Variants in CNTN4 observed in about 807,000 individuals in gnomAD.
The protein encoded by CNTN4 is contactin-4.
In CNTN4, 77 loss-of-function variants were observed where a neutral mutation model predicts 122.5. That is an observed-to-expected ratio of 0.63 (90% CI 0.52 to 0.76). The LOEUF is 0.76. Ranked by LOEUF, CNTN4 falls within the 30% of genes least tolerant of loss-of-function variation. The pLI is 0.00. For missense variants in CNTN4, 1,256 were observed against 1,259.1 expected (o/e 1.00, Z 0.04); for synonymous variants, 512 against 447.0 (o/e 1.15, Z -1.83).
At chr3:2,596,993 G>C (rs2080800963) in intron 4 of CNTN4, among the ~76,000 whole-genome samples, 1 of 151,718 alleles carries the variant, frequency 6.6e-6, no homozygotes, top group African/African-American at 2.4e-5. Context: ...TCTGGCTTCT[G>C]CACATAGCCC....
At chr3:2,652,087 G>A (rs1380264571) in intron 4 of CNTN4, among the ~76,000 whole-genome samples, 1 of 151,858 alleles carries the variant, frequency 6.6e-6, no homozygotes, top group Non-Finnish European at 1.5e-5. Context: ...TTGGTAGGAG[G>A]ATTGCTTGAG....
intron 10 of CNTN4, among the ~76,000 whole-genome samples, chr3:2,890,498 G>T (rs1237289856): frequency 2.0e-5 from 3 of 152,132 alleles, no homozygotes; most frequent in Non-Finnish European, 4.4e-5. Flanking sequence ...TGCTTCTTTG[G>T]GTTCCAGGTT....
intron 3 of CNTN4, among the ~76,000 whole-genome samples, chr3:2,536,134 T>A (rs2077795297): frequency 6.6e-6 from 1 of 152,128 alleles, no homozygotes; most frequent in Admixed American, 6.6e-5. Context: ...TAGGCAGGGA[T>A]TTAAGGGTGA....
intron 6 of CNTN4, among the ~76,000 whole-genome samples, chr3:2,793,243 G>C (rs763809055): frequency 9.2e-5 from 14 of 151,898 alleles, no homozygotes; most frequent in Non-Finnish European, 1.6e-4. Context: ...GCTTCTGCTT[G>C]TTTCTCCAAA....
chr3:2,335,453 G>C (rs200404768), intron 2 of CNTN4, among the ~76,000 whole-genome samples: 1 of 152,040 alleles, frequency 6.6e-6, no homozygotes, highest in Admixed American at 6.6e-5. Flanking sequence ...GCTTAAAGAA[G>C]GTGGGTAAAA....
chr3:2,717,695 A>G (rs543726675), intron 4 of CNTN4, among the ~76,000 whole-genome samples: 3 of 152,310 alleles, frequency 2.0e-5, no homozygotes, highest in African/African-American at 7.2e-5. Flanking sequence ...TTCTGGATCA[A>G]CTTTTTGAGC....
At chr3:2,402,676 G>A (rs1362437842) in intron 3 of CNTN4, among the ~76,000 whole-genome samples, 2 of 151,744 alleles carry the variant, frequency 1.3e-5, no homozygotes, top group Admixed American at 6.6e-5. Flanking sequence ...TTTCGTACTC[G>A]TTTGCCATCC....
rs2046204123 is a variant in CNTN4 at position 2,385,234 on chromosome 3, T to A, written c.-89+46001T>A. On this transcript the variant is annotated intron_variant, in intron 3 of 24. Transcript: ENST00000418658. This position sits in a 1 kb window ranked among gnomAD's most constrained non-coding sequence, Gnocchi z 4.0. ...GTCTACTACTCAACTTTCTACTCAGTTTTTTATTTTTTATTTTTATTTCTA... is the reference window on the plus strand; with the variant it reads ...GTCTACTACTCAACTTTCTACTCAGATTTTTATTTTTTATTTTTATTTCTA... Among the ~76,000 whole-genome samples, 1 of 151,328 alleles carries A rather than the reference T, an allele frequency of 6.6e-6. No homozygotes were observed. The highest frequency in any genetic ancestry group is 2.4e-5 in the African/African-American group (1 of 41,436).
intron 2 of CNTN4, among the ~76,000 whole-genome samples, chr3:2,220,274 A>G (rs1202318458): frequency 6.6e-6 from 1 of 152,150 alleles, no homozygotes; most frequent in East Asian, 1.9e-4. Flanking sequence ...GTGAACACTT[A>G]TCACCACCTG....
At chr3:2,396,775 A>G (rs1030306010) in intron 3 of CNTN4, among the ~76,000 whole-genome samples, 4 of 151,838 alleles carry the variant, frequency 2.6e-5, no homozygotes, top group Non-Finnish European at 2.9e-5. Flanking sequence ...ATTTGGTTCC[A>G]TGAATTATTA....
intron 3 of CNTN4, among the ~76,000 whole-genome samples, chr3:2,384,957 C>T (rs764290865): frequency 4.6e-5 from 7 of 152,006 alleles, no homozygotes; most frequent in East Asian, 1.9e-4. Flanking sequence ...CAGTGGTTGA[C>T]GTTCAAACTC....
chr3:2,747,587 A>G (rs926452512), intron 6 of CNTN4, among the ~76,000 whole-genome samples: 36 of 152,330 alleles, frequency 2.4e-4, no homozygotes, highest in African/African-American at 8.4e-4. Context: ...ACAGTCATTT[A>G]CATAGAATAG....
intron 8 of CNTN4, chr3:2,882,816 T>C (rs756610912): frequency 1.4e-5 from 4 of 284,944 alleles, no homozygotes; most frequent in African/African-American, 8.8e-5. Context: ...AAAGAGATAA[T>C]TTAATTTTCC....
chr3:2,895,931 G>T (rs1329531614), intron 10 of CNTN4, among the ~76,000 whole-genome samples: 1 of 152,196 alleles, frequency 6.6e-6, no homozygotes, highest in Non-Finnish European at 1.5e-5. Context: ...TACTCGGGAG[G>T]CTGAGGCAGG....
At chr3:2,265,422 T>G (rs530405550) in intron 2 of CNTN4, among the ~76,000 whole-genome samples, 1 of 152,282 alleles carries the variant, frequency 6.6e-6, no homozygotes, top group African/African-American at 2.4e-5. Context: ...GGTCCATTTA[T>G]CTGTTTTTAT....
chr3:2,351,953 A>G (rs2044643549), intron 3 of CNTN4, among the ~76,000 whole-genome samples: 1 of 152,168 alleles, frequency 6.6e-6, no homozygotes, highest in African/African-American at 2.4e-5. Flanking sequence ...CTAAGAGTAA[A>G]TTTCAAATGT....
chr3:3,030,689 C>T (rs939720418), intron 15 of CNTN4, among the ~76,000 whole-genome samples, 166 bp from the exon 16 acceptor site: 1 of 152,202 alleles, frequency 6.6e-6, no homozygotes, highest in Non-Finnish European at 1.5e-5. Flanking sequence ...TCGGTGTTCC[C>T]ATCTCTCAGG....
At chr3:3,037,158 C>T in intron 17 of CNTN4, 21 bp from the exon 18 acceptor site, 1 of 1,614,068 alleles carries the variant, frequency 6.2e-7, no homozygotes, top group Non-Finnish European at 8.5e-7. Context: ...GAAACAGCCC[C>T]CACCTTTTGT....
chr3:2,906,991 C>T (rs960316977), intron 12 of CNTN4, among the ~76,000 whole-genome samples: 53 of 152,156 alleles, frequency 3.5e-4, no homozygotes, highest in African/African-American at 1.2e-3. Flanking sequence ...TAATATATTT[C>T]AGGTAAATTG....
Sources: allele counts gnomAD v4.1 joint callset (sites outside exome capture counted in the v4.1 genomes callset), GRCh38; gene constraint gnomAD v4.1.1; non-coding constraint Gnocchi (gnomAD v3.1); transcripts MANE v1.5; gene names NCBI Gene and HGNC (gene_info 2026-07-23, HGNC 2026-07-21).